RAB3C: variants seen among roughly 807,000 people sequenced by gnomAD.
RAB3C encodes ras-related protein Rab-3C.
In RAB3C, 17 loss-of-function variants were observed where a neutral mutation model predicts 26.4. The ratio of observed to expected loss-of-function variants is 0.64; its 90% confidence interval spans 0.44 to 0.97. RAB3C has a LOEUF of 0.97. Ranked by LOEUF, RAB3C falls within the 50% of genes least tolerant of loss-of-function variation. The pLI is 0.00. For synonymous variants in RAB3C, 91 were observed against 95.9 expected, an observed-to-expected ratio of 0.95 and a Z score of 0.30; for missense variants, 242 against 281.9, an observed-to-expected ratio of 0.86 and a Z score of 1.01.
intron 2 of RAB3C, among the ~76,000 whole-genome samples, chr5:58,632,830 C>T (rs1337510583): frequency 6.6e-6 from 1 of 152,196 alleles, no homozygotes; most frequent in African/African-American, 2.4e-5. Context: ...TGAATACAGT[C>T]CCACTTCTGT....
intron 2 of RAB3C, among the ~76,000 whole-genome samples, chr5:58,691,505 ATC>A (rs1035197340): frequency 7.4e-4 from 19 of 25,814 alleles, no homozygotes; most frequent in African/African-American, 3.9e-3. Flanking sequence ...ACACTTTTAC[ATC>A]TTTAAATCCA....
intron 2 of RAB3C, among the ~76,000 whole-genome samples, chr5:58,653,976 A>G (rs2032816): frequency 0.57 from 86,260 of 152,082 alleles, 25,245 homozygotes; most frequent in African/African-American, 0.72. Flanking sequence ...AGTGTTTTAC[A>G]TTAAATAACC....
chr5:58,725,982 A>T lies in RAB3C; in HGVS notation c.253-20A>T, dbSNP rs750942162. 1.2e-5 allele frequency: 15 copies of T among 1,257,234 alleles called. No homozygotes were observed. Among genetic ancestry groups the T allele is most frequent in the African/African-American group, 4.6e-5 (3 of 64,696 alleles). 77.9% of individuals were successfully genotyped at this position (1,257,234 alleles called of 1,614,324 possible). Reference sequence around the variant, plus strand: ...ATTGCCTTATTTCTGAGAGATTATCATTTTTTTTTTATTCTTTAGGACACA... The same window carrying T: ...ATTGCCTTATTTCTGAGAGATTATCTTTTTTTTTTTATTCTTTAGGACACA... On this transcript the variant is annotated intron_variant, in intron 2 of 4. Transcript: ENST00000282878.
intron 2 of RAB3C, among the ~76,000 whole-genome samples, chr5:58,685,306 G>A (rs765645932): frequency 2.0e-5 from 3 of 152,126 alleles, no homozygotes; most frequent in Admixed American, 6.5e-5. Flanking sequence ...CGTTCTGGAG[G>A]TTCCAGGAAG....
chr5:58,612,483 C>G (rs1191621409), intron 1 of RAB3C, among the ~76,000 whole-genome samples: 8 of 96,444 alleles, frequency 8.3e-5, no homozygotes, highest in Admixed American at 7.0e-4. Flanking sequence ...TAGCTGTGTT[C>G]CTAGGTGTGT....
chr5:58,634,253 A>T (rs1747244082), intron 2 of RAB3C, among the ~76,000 whole-genome samples: 1 of 152,122 alleles, frequency 6.6e-6, no homozygotes, highest in South Asian at 2.1e-4. Context: ...AGGTTGAGGG[A>T]TATTTATTCA....
At chr5:58,805,637 G>A (rs1216327411) in intron 3 of RAB3C, among the ~76,000 whole-genome samples, 5 of 149,562 alleles carry the variant, frequency 3.3e-5, no homozygotes, top group African/African-American at 1.2e-4. Context: ...AGGAAAGAAA[G>A]AGATAGTATT....
At chr5:58,754,353 C>G (rs931911399) in intron 3 of RAB3C, among the ~76,000 whole-genome samples, 11 of 132,296 alleles carry the variant, frequency 8.3e-5, no homozygotes, top group African/African-American at 2.7e-4. Flanking sequence ...ACGCTCCTTA[C>G]TTTGGGGGCT....
chr5:58,810,381 C>CTGTGTG (rs1259726388), intron 3 of RAB3C, among the ~76,000 whole-genome samples: 6 of 149,556 alleles, frequency 4.0e-5, no homozygotes, highest in African/African-American at 1.5e-4. Flanking sequence ...CTCTCTCTCT[C>CTGTGTG]TCTCTGTGTG....
intron 1 of RAB3C, among the ~76,000 whole-genome samples, chr5:58,591,642 T>C (rs1181790365): frequency 6.7e-6 from 1 of 149,520 alleles, no homozygotes; most frequent in Non-Finnish European, 1.5e-5. Context: ...TGTGTCTCTA[T>C]ATTTAAAGTG....
At chr5:58,762,513 A>G (rs1394754422) in intron 3 of RAB3C, among the ~76,000 whole-genome samples, 1 of 152,024 alleles carries the variant, frequency 6.6e-6, no homozygotes, top group Non-Finnish European at 1.5e-5. Context: ...GCCAACATGG[A>G]GAAACCCCAT....
chr5:58,710,630 ATAAAT>A (rs1749038252), intron 2 of RAB3C, among the ~76,000 whole-genome samples: 1 of 150,970 alleles, frequency 6.6e-6, no homozygotes, highest in Middle Eastern at 3.5e-3. Context: ...AAATAAATAA[ATAAAT>A]AAATAAATAG....
At chr5:58,754,936 G>C (rs1741623071) in intron 3 of RAB3C, among the ~76,000 whole-genome samples, 1 of 151,066 alleles carries the variant, frequency 6.6e-6, no homozygotes, top group Non-Finnish European at 1.5e-5. Flanking sequence ...TCAGCCCCAG[G>C]TAAATTCCAA....
chr5:58,665,105 C>T (rs1414517723), intron 2 of RAB3C, among the ~76,000 whole-genome samples: 1 of 152,098 alleles, frequency 6.6e-6, no homozygotes, highest in East Asian at 1.9e-4. Flanking sequence ...AAAGGACTTC[C>T]CTGACCAGTT....
intron 3 of RAB3C, among the ~76,000 whole-genome samples, chr5:58,730,526 G>T (rs1306662924): frequency 6.6e-6 from 1 of 151,892 alleles, no homozygotes. Flanking sequence ...TTAAATTACT[G>T]GTCTCCAAGT....
chr5:58,858,147 G>A lies in RAB3C; in HGVS notation c.*6796G>A, dbSNP rs1456415040. 1 of 152,200 alleles carries A rather than the reference G, an allele frequency of 6.6e-6. No homozygotes were observed. The highest frequency in any genetic ancestry group is 6.5e-5 in the Admixed American group (1 of 15,270). The allele number at this position is 152,200 out of a possible 1,614,324, so 9.4% of individuals were successfully genotyped here. A position where few individuals can be genotyped will look rare whatever the true frequency, so the allele number is the denominator to read the frequency against. On this transcript the variant is annotated 3_prime_UTR_variant, in exon 5 of 5. Coordinates refer to ENST00000282878, the MANE Select transcript of RAB3C (RefSeq NM_138453.4). ...GTTCTCTCTATGGTGCTTGGCTGGA[G>A]ATTGACATGTGAGGATGTGCCAATC...
At position 58,754,932 on chromosome 5, in the gene RAB3C, C is replaced by T. The variant is rs532901174; in HGVS notation, c.371+28812C>T. ...ATCAATAAAGCCTTTTCTGTCAGCC[C>T]CAGGTAAATTCCAATTCCAAGCAAC... On this transcript the variant is annotated intron_variant, in intron 3 of 4. Coordinates refer to ENST00000282878, the MANE Select transcript of RAB3C (RefSeq NM_138453.4). Among the ~76,000 whole-genome samples, 6 of 151,838 alleles carry T rather than the reference C, an allele frequency of 4.0e-5. No homozygotes were observed. In the South Asian group the frequency reaches 6.3e-4, roughly 16 times the overall value.
At chr5:58,736,486 C>T (rs137915827) in intron 3 of RAB3C, among the ~76,000 whole-genome samples, 5 of 152,312 alleles carry the variant, frequency 3.3e-5, no homozygotes, top group African/African-American at 9.6e-5. Context: ...TCTGAGCAGC[C>T]CGCTCTGCCT....
Position 58,617,672 on chromosome 5 carries a change from C to A in RAB3C, c.54C>A (p.Gly18=). 1 of 1,613,628 alleles carries A rather than the reference C, an allele frequency of 6.2e-7. No individual in the cohort carries two copies. Among genetic ancestry groups the A allele is most frequent in the Non-Finnish European group, 8.5e-7 (1 of 1,179,648 alleles). ...QMASAQDARY[G]QKDSSDQNFD... is the part of the protein sequence containing the mutation. ...CCTCTGCCCAAGATGCCAGGTACGG[C>A]CAGAAAGACTCCTCTGATCAGAACT... is the stretch of plus-strand genomic sequence containing the variant. Residue 18 remains glycine (G), a synonymous_variant, in exon 2 of 5, where the codon GGC becomes GGA. Transcript: ENST00000282878.
Sources: allele counts gnomAD v4.1 joint callset (sites outside exome capture counted in the v4.1 genomes callset), GRCh38; gene constraint gnomAD v4.1.1; transcripts MANE v1.5; gene names NCBI Gene and HGNC (gene_info 2026-07-23, HGNC 2026-07-21).